Variants in FARS2 observed in about 807,000 individuals in gnomAD.
FARS2 encodes phenylalanine--tRNA ligase, mitochondrial.
Under a neutral mutation model 46.4 loss-of-function variants are expected in FARS2, and 40 were observed. The ratio of observed to expected loss-of-function variants is 0.86; its 90% CI spans 0.67 to 1.12. FARS2 has a LOEUF of 1.12. FARS2 is among the 50% of genes most tolerant of loss of function. FARS2 has a pLI of 0.00. For missense variants in FARS2, 513 were observed against 567.9 expected, an observed-to-expected ratio of 0.90 and a Z score of 0.98; for synonymous variants, 234 against 214.9, an observed-to-expected ratio of 1.09 and a Z score of -0.78.
intron 6 of FARS2, among the ~76,000 whole-genome samples, chr6:5,722,341 C>T (rs1582831062): frequency 6.6e-6 from 1 of 152,308 alleles, no homozygotes; most frequent in East Asian, 1.9e-4. Flanking sequence ...AAACTCCTCA[C>T]TAGATATACA....
intron 6 of FARS2, among the ~76,000 whole-genome samples, chr6:5,638,546 C>A (rs1776655662): frequency 6.6e-6 from 1 of 152,224 alleles, no homozygotes; most frequent in Admixed American, 6.5e-5. Flanking sequence ...GCCTGCCTGA[C>A]AGAGCGAGAC....
chr6:5,260,369 AATC>A (rs1314790041), upstream of FARS2, among the ~76,000 whole-genome samples: 1 of 152,224 alleles, frequency 6.6e-6, no homozygotes, highest in Non-Finnish European at 1.5e-5. Flanking sequence ...ACATAACACT[AATC>A]ATGCTCCTAG....
chr6:5,428,540 G>A lies in FARS2; in HGVS notation c.773-2501G>A, dbSNP rs1022710163. ...AAACTGTTGTCATAAAATGTTTTCC[G>A]CTTACGTGCCAAGAGTTATAAAAAA... On this transcript the variant is annotated intron_variant, in intron 3 of 6. Coordinates refer to ENST00000274680, the MANE Select transcript of FARS2 (RefSeq NM_006567.5). 7.2e-5 allele frequency among the ~76,000 whole-genome samples: 11 copies of A among 152,108 alleles called. No homozygotes were observed. In the South Asian group the frequency reaches 1.5e-3, roughly 20 times the overall value.
intron 4 of FARS2, among the ~76,000 whole-genome samples, chr6:5,541,393 A>G (rs986585613): frequency 6.6e-6 from 1 of 152,182 alleles, no homozygotes; most frequent in African/African-American, 2.4e-5. Context: ...GTTTTGAAGG[A>G]TATATACAGT....
chr6:5,366,615 A>G (rs1303180561), intron 1 of FARS2, among the ~76,000 whole-genome samples: 1 of 152,102 alleles, frequency 6.6e-6, no homozygotes, highest in Non-Finnish European at 1.5e-5. Context: ...CAAGGAAGGG[A>G]CACGAGGCTG....
chr6:5,765,986 T>C lies in FARS2; in HGVS notation c.1218-5305T>C, dbSNP rs1337461076. 2.0e-5 allele frequency among the ~76,000 whole-genome samples: 3 copies of C among 152,238 alleles called. No individual in the cohort carries two copies. Among genetic ancestry groups the C allele is most frequent in the Non-Finnish European group, 4.4e-5 (3 of 68,046 alleles). On this transcript the variant is annotated intron_variant, in intron 6 of 6. Coordinates refer to ENST00000274680, the MANE Select transcript of FARS2 (RefSeq NM_006567.5). This position sits in a 1 kb window ranked among gnomAD's most constrained non-coding sequence, Gnocchi z 4.0. ...TTAAAAAAAATCAAACTCTATCCAGTGACCAACTCATTTTAGCCAATACCC... is the reference window on the plus strand; with the variant it reads ...TTAAAAAAAATCAAACTCTATCCAGCGACCAACTCATTTTAGCCAATACCC...
intron 2 of FARS2, among the ~76,000 whole-genome samples, chr6:5,389,755 GA>G (rs1182753714): frequency 1.3e-5 from 2 of 152,226 alleles, no homozygotes; most frequent in African/African-American, 2.4e-5. Flanking sequence ...CCTGTAGTTT[GA>G]AAATGTTACA....
chr6:5,633,624 T>C (rs1019272152), intron 6 of FARS2, among the ~76,000 whole-genome samples: 3 of 152,194 alleles, frequency 2.0e-5, no homozygotes, highest in Non-Finnish European at 2.9e-5. Flanking sequence ...AAAAAATGTA[T>C]AGGATAAACT....
chr6:5,407,035 G>A (rs1761641655), intron 3 of FARS2, among the ~76,000 whole-genome samples: 1 of 41,882 alleles, frequency 2.4e-5, no homozygotes, highest in Non-Finnish European at 4.5e-5. Flanking sequence ...GAACATGAAG[G>A]TGGCAAATTA....
rs1770752307 is a variant in FARS2 at position 5,330,880 on chromosome 6, A to T, written c.-21-37670A>T. Reference sequence around the variant, plus strand: ...TAGCACTTTGGGAGGCCAAGGCAGGACGATTGCTTGAACTCAGGAGTTCTA... The same window carrying T: ...TAGCACTTTGGGAGGCCAAGGCAGGTCGATTGCTTGAACTCAGGAGTTCTA... On this transcript the variant is annotated intron_variant, in intron 1 of 6. Coordinates refer to ENST00000274680, the MANE Select transcript of FARS2 (RefSeq NM_006567.5). Among the ~76,000 whole-genome samples, 3 of 152,024 alleles carry T rather than the reference A, an allele frequency of 2.0e-5. No homozygotes were observed. The South Asian group carries it at 6.2e-4, about 32-fold the overall frequency.
At chr6:5,609,254 A>T in intron 5 of FARS2, 1 of 1,115,344 alleles carries the variant, frequency 9.0e-7, no homozygotes, top group Non-Finnish European at 1.4e-6. Flanking sequence ...TGCCTTAGCT[A>T]CTGCTGCTAC....
At chr6:5,726,862 C>T (rs147877705) in intron 6 of FARS2, among the ~76,000 whole-genome samples, 112 of 152,350 alleles carry the variant, frequency 7.4e-4, no homozygotes, top group African/African-American at 2.5e-3. Context: ...TCCTCACAGA[C>T]AGTGCTTCCT....
intron 6 of FARS2, among the ~76,000 whole-genome samples, chr6:5,736,679 TA>T (rs1026445581): frequency 4.3e-4 from 64 of 150,274 alleles, no homozygotes; most frequent in Admixed American, 1.9e-3. Context: ...TTTTTTTTTT[TA>T]AAAAATTGCA....
intron 6 of FARS2, among the ~76,000 whole-genome samples, chr6:5,640,921 A>G (rs1776784907): frequency 6.6e-6 from 1 of 152,168 alleles, no homozygotes; most frequent in Admixed American, 6.5e-5. Context: ...TCTTCTAAGA[A>G]GCTCTTATCT....
intron 6 of FARS2, among the ~76,000 whole-genome samples, chr6:5,619,506 T>A (rs1302718157): frequency 6.6e-6 from 1 of 152,084 alleles, no homozygotes; most frequent in African/African-American, 2.4e-5. Context: ...ATGCTAGAGG[T>A]GAGCTCCTCC....
upstream of FARS2, among the ~76,000 whole-genome samples, chr6:5,260,208 G>C (rs1764944797): frequency 6.6e-6 from 1 of 152,170 alleles, no homozygotes; most frequent in African/African-American, 2.4e-5. Flanking sequence ...GGAGGTGCTA[G>C]AGTGTGCCTT....
Position 5,404,689 on chromosome 6 carries a change from CT to C in FARS2, c.765del (p.Phe255LeufsTer7). The C allele has an allele frequency of 6.3e-7, 1 of 1,590,778 alleles. No homozygotes were observed. Among genetic ancestry groups the C allele is most frequent in the South Asian group, 1.2e-5 (1 of 85,984 alleles). ...AACGCTTACCAGGCTCATGGCACAT[CT>C]TTTTGGAGATGGTAAGTGCTCAAAC... Reference protein sequence around the residue: ...KQTLTRLMAHLFGDELEIRWV... With the variant: ...KQTLTRLMAHXFGDELEIRWV... On this transcript the variant is annotated frameshift_variant, in exon 3 of 7. Coordinates refer to ENST00000274680, the MANE Select transcript of FARS2 (RefSeq NM_006567.5). LOFTEE classifies it high-confidence loss of function.
chr6:5,627,916 G>A (rs954111805), intron 6 of FARS2, among the ~76,000 whole-genome samples: 1 of 149,508 alleles, frequency 6.7e-6, no homozygotes, highest in African/African-American at 2.6e-5. Context: ...ACTGACTAGG[G>A]TGGAGAATAC....
chr6:5,482,474 GGA>G (rs1054015962), intron 4 of FARS2, among the ~76,000 whole-genome samples: 1 of 152,176 alleles, frequency 6.6e-6, no homozygotes, highest in Non-Finnish European at 1.5e-5. Context: ...GCATAAACAT[GGA>G]GAGAGACTTG....
Sources: gnomAD v4.1 joint callset for allele counts (sites outside exome capture counted in the v4.1 genomes callset) on GRCh38, gnomAD v4.1.1 for gene constraint, Gnocchi (gnomAD v3.1) non-coding constraint, MANE v1.5 for transcripts, NCBI Gene and HGNC (gene_info 2026-07-23, HGNC 2026-07-21) for gene names.